Variants in CALN1 observed in about 807,000 individuals in gnomAD.
CALN1 encodes calcium-binding protein 8.
Under a neutral mutation model 30.6 loss-of-function variants are expected in CALN1, and 17 were observed. The ratio of observed to expected loss-of-function variants is 0.56; its 90% CI spans 0.38 to 0.83. CALN1 has a LOEUF of 0.83. Among genes scored for constraint, CALN1 ranks in the 40% least tolerant of loss-of-function variants. The pLI is 0.00. For missense variants in CALN1, 291 were observed against 354.9 expected (o/e 0.82, Z 1.45); for synonymous variants, 156 against 131.4 (o/e 1.19, Z -1.28).
rs554032538 is a variant in CALN1, at chr7:71,782,626, T to G, written c.*5149A>C. The G allele has an allele frequency of 5.9e-5, 9 of 152,224 alleles. No homozygotes were observed. The highest frequency in any genetic ancestry group is 1.3e-4 in the Non-Finnish European group (9 of 68,046). 9.4% of individuals were successfully genotyped at this position (152,224 alleles called of 1,614,324 possible). A position where few individuals can be genotyped will look rare whatever the true frequency, so the allele number is the denominator to read the frequency against. ...AGTATGAAGTGAAGCTGAACAGTTG[T>G]GACACTCAAATTATCATGGAGACTG... On this transcript the variant is annotated 3_prime_UTR_variant, in exon 7 of 7. Transcript: ENST00000395275.
chr7:72,252,406 C>A (rs891442490), intron 3 of CALN1, among the ~76,000 whole-genome samples: 3 of 152,100 alleles, frequency 2.0e-5, no homozygotes, highest in African/African-American at 7.2e-5. Context: ...TTGAGGCCAA[C>A]CTGGGCAACA....
chr7:71,941,329 C>T (rs141846855), intron 5 of CALN1, among the ~76,000 whole-genome samples: 12,577 of 147,138 alleles, frequency 0.085, 864 homozygotes, highest in East Asian at 0.21. Flanking sequence ...CCAGCCTGGG[C>T]GACAGAGTGA....
intron 5 of CALN1, among the ~76,000 whole-genome samples, chr7:71,836,639 T>C (rs1455116721): frequency 6.6e-6 from 1 of 150,904 alleles, no homozygotes; most frequent in East Asian, 2.0e-4. Flanking sequence ...TTTTTTTTTT[T>C]CTGAGACAGA....
At chr7:72,228,872 C>G (rs1295372476) in intron 3 of CALN1, among the ~76,000 whole-genome samples, 2 of 151,392 alleles carry the variant, frequency 1.3e-5, no homozygotes, top group Non-Finnish European at 2.9e-5. Flanking sequence ...CATGATCCTC[C>G]CACCTCAGCC....
chr7:72,415,289 C>T (rs961081072), upstream of CALN1, among the ~76,000 whole-genome samples: 2 of 152,252 alleles, frequency 1.3e-5, no homozygotes, highest in Non-Finnish European at 2.9e-5. Context: ...GTCATCCACT[C>T]CAGATGCACC....
At chr7:72,093,526 A>G (rs1270350131) in intron 4 of CALN1, among the ~76,000 whole-genome samples, 1 of 152,164 alleles carries the variant, frequency 6.6e-6, no homozygotes, top group Non-Finnish European at 1.5e-5. Flanking sequence ...CATTATGATT[A>G]ATTAACTGTC....
intron 3 of CALN1, among the ~76,000 whole-genome samples, chr7:72,123,946 G>T (rs1035522439): frequency 6.6e-6 from 1 of 152,294 alleles, no homozygotes; most frequent in African/African-American, 2.4e-5. Context: ...TCTGAAATCA[G>T]CTGAGGCAGA....
At chr7:72,171,129 G>A (rs1241806647) in intron 3 of CALN1, among the ~76,000 whole-genome samples, 3 of 152,094 alleles carry the variant, frequency 2.0e-5, no homozygotes, top group Non-Finnish European at 4.4e-5. Context: ...CTGCACTCCA[G>A]CCTGGGTGAC....
chr7:72,043,496 T>C (rs1231363117), intron 4 of CALN1, among the ~76,000 whole-genome samples: 1 of 152,102 alleles, frequency 6.6e-6, no homozygotes, highest in Non-Finnish European at 1.5e-5. Context: ...AAGCCAGGCA[T>C]GGTGGCTCAT....
At chr7:72,270,093 G>GTGTGTGTGTGTGTGTA (rs1491513550) in intron 3 of CALN1, among the ~76,000 whole-genome samples, 1 of 148,008 alleles carries the variant, frequency 6.8e-6, no homozygotes, top group Non-Finnish European at 1.5e-5. Context: ...GGGTGTTTCC[G>GTGTGTGTGTGTGTGTA]TGTGTGTGTG....
At chr7:71,921,913 C>A (rs1181126810) in intron 5 of CALN1, among the ~76,000 whole-genome samples, 1 of 151,386 alleles carries the variant, frequency 6.6e-6, no homozygotes, top group Non-Finnish European at 1.5e-5. Flanking sequence ...TTGTCCTTGA[C>A]TCCCCAGGTT....
chr7:72,039,204 T>G (rs1801979038), intron 4 of CALN1, among the ~76,000 whole-genome samples: 1 of 152,226 alleles, frequency 6.6e-6, no homozygotes, highest in Non-Finnish European at 1.5e-5. Flanking sequence ...ATTCAGTTGT[T>G]CGTATCTAGC....
intron 1 of CALN1, among the ~76,000 whole-genome samples, chr7:72,433,807 G>A (rs1808055522): frequency 6.6e-6 from 1 of 152,146 alleles, no homozygotes; most frequent in African/African-American, 2.4e-5. Context: ...GATCACGACT[G>A]CAATCCCAGA....
chr7:72,293,630 G>T (rs1798645210), intron 2 of CALN1, among the ~76,000 whole-genome samples: 1 of 152,158 alleles, frequency 6.6e-6, no homozygotes, highest in African/African-American at 2.4e-5. Context: ...AAAGCAGGCA[G>T]ATGACCAGCA....
At chr7:72,291,569 T>C (rs1023426982) in intron 2 of CALN1, among the ~76,000 whole-genome samples, 6 of 152,248 alleles carry the variant, frequency 3.9e-5, no homozygotes, top group African/African-American at 1.4e-4. Flanking sequence ...CTTAGAGTTT[T>C]GATTTGTCAC....
intron 2 of CALN1, among the ~76,000 whole-genome samples, chr7:72,325,376 G>A (rs1389072813): frequency 1.3e-5 from 2 of 152,116 alleles, no homozygotes; most frequent in African/African-American, 2.4e-5. Context: ...CAAGGTGGGT[G>A]GATCACCTGA....
At chr7:72,141,895 C>T (rs1809969195) in intron 3 of CALN1, among the ~76,000 whole-genome samples, 1 of 152,150 alleles carries the variant, frequency 6.6e-6, no homozygotes, top group South Asian at 2.1e-4. Context: ...ACAGATGGGC[C>T]CTATGTCAAA....
intron 5 of CALN1, among the ~76,000 whole-genome samples, chr7:71,961,370 T>C (rs1797239199): frequency 6.6e-6 from 1 of 152,210 alleles, no homozygotes; most frequent in Admixed American, 6.5e-5. Flanking sequence ...AATGTATTTA[T>C]ACATAAAACC....
intron 2 of CALN1, among the ~76,000 whole-genome samples, chr7:72,345,003 T>C (rs991673770): frequency 6.8e-6 from 1 of 147,922 alleles, no homozygotes; most frequent in African/African-American, 2.4e-5. Flanking sequence ...TGATATATAA[T>C]ACATTATATA....
Sources: allele counts gnomAD v4.1 joint callset (sites outside exome capture counted in the v4.1 genomes callset), GRCh38; gene constraint gnomAD v4.1.1; transcripts MANE v1.5; gene names NCBI Gene and HGNC (gene_info 2026-07-23, HGNC 2026-07-21).